Variants in DYNC1I1 observed in about 807,000 individuals in gnomAD.
DYNC1I1 encodes cytoplasmic dynein 1 intermediate chain 1.
In DYNC1I1, 43 loss-of-function variants were observed where a neutral mutation model predicts 86.6. That is an observed-to-expected ratio of 0.50 (90% CI 0.39 to 0.64). DYNC1I1 has a LOEUF of 0.64. Among genes scored for constraint, DYNC1I1 ranks in the 30% least tolerant of loss-of-function variants. The pLI, the probability that DYNC1I1 is intolerant of heterozygous loss-of-function variation, is 0.00. For synonymous variants in DYNC1I1, 262 were observed against 283.7 expected, an observed-to-expected ratio of 0.92 and a Z score of 0.77; for missense variants, 604 against 788.8, an observed-to-expected ratio of 0.77 and a Z score of 2.81.
At chr7:95,920,336 T>C (rs1791578649) in intron 6 of DYNC1I1, among the ~76,000 whole-genome samples, 1 of 152,176 alleles carries the variant, frequency 6.6e-6, no homozygotes, top group Non-Finnish European at 1.5e-5. Flanking sequence ...CTGACCTGTT[T>C]TCCCAAAAAT....
chr7:95,824,117 A>C (rs1412163973), intron 4 of DYNC1I1, among the ~76,000 whole-genome samples: 1 of 149,188 alleles, frequency 6.7e-6, no homozygotes, highest in African/African-American at 2.5e-5. Flanking sequence ...CAGCCTCCTG[A>C]GTAGCTGCGA....
At chr7:96,014,164 G>A (rs1392096999) in intron 10 of DYNC1I1, among the ~76,000 whole-genome samples, 1 of 152,172 alleles carries the variant, frequency 6.6e-6, no homozygotes, top group Non-Finnish European at 1.5e-5. Flanking sequence ...GCATTCTGAA[G>A]AGCTGGAACT....
chr7:95,815,501 A>C (rs542655489), intron 4 of DYNC1I1, among the ~76,000 whole-genome samples: 1 of 152,278 alleles, frequency 6.6e-6, no homozygotes, highest in African/African-American at 2.4e-5. Flanking sequence ...CCTTGTTTTG[A>C]ACTTAGGAAA....
At chr7:96,014,462 T>C (rs1584251323) in intron 10 of DYNC1I1, among the ~76,000 whole-genome samples, 1 of 152,200 alleles carries the variant, frequency 6.6e-6, no homozygotes, top group South Asian at 2.1e-4. Flanking sequence ...AAAGGGAAAT[T>C]AACATGTAAA....
chr7:95,833,604 A>G (rs1230416892), intron 5 of DYNC1I1, among the ~76,000 whole-genome samples: 15 of 146,836 alleles, frequency 1.0e-4, no homozygotes, highest in African/African-American at 3.8e-4. Flanking sequence ...ACCCATGAGC[A>G]TGGAATGTTC....
intron 5 of DYNC1I1, among the ~76,000 whole-genome samples, chr7:95,867,443 C>T (rs1460892008): frequency 2.6e-5 from 4 of 152,190 alleles, no homozygotes; most frequent in Non-Finnish European, 1.5e-5. Flanking sequence ...TACCATTCAG[C>T]TGTATGTTCA....
At chr7:96,067,931 A>T (rs2116209729) in intron 14 of DYNC1I1, among the ~76,000 whole-genome samples, 1 of 152,316 alleles carries the variant, frequency 6.6e-6, no homozygotes, top group East Asian at 1.9e-4. Flanking sequence ...GACTATCTAC[A>T]TAATTATGAG....
chr7:96,032,864 C>T, intron 12 of DYNC1I1, 84 bp downstream of exon 12: 1 of 1,157,522 alleles, frequency 8.6e-7, no homozygotes, highest in Non-Finnish European at 1.3e-6. Flanking sequence ...AAAAGCCAAA[C>T]CCTCACATCC....
chr7:96,023,677 A>G (rs1794608091), intron 10 of DYNC1I1, among the ~76,000 whole-genome samples: 1 of 152,150 alleles, frequency 6.6e-6, no homozygotes, highest in African/African-American at 2.4e-5. Flanking sequence ...TTCTCTTTAA[A>G]TAGATGATGA....
rs77341871 is a variant in DYNC1I1 at position 95,946,930 on chromosome 7, A to G, written c.491-30582A>G. Among the ~76,000 whole-genome samples, 1,451 of 152,284 alleles carry G rather than the reference A, an allele frequency of 9.5e-3. 12 individuals carry two copies. The highest frequency in any genetic ancestry group is 0.017 in the Non-Finnish European group (1,176 of 68,010). Reference sequence around the variant, plus strand: ...GGAGGAGAGTGCTCTCTGGCATAGGATGGATACAAAGGCCTCCCTGGTCTG... The same window carrying G: ...GGAGGAGAGTGCTCTCTGGCATAGGGTGGATACAAAGGCCTCCCTGGTCTG... On this transcript the variant is annotated intron_variant, in intron 6 of 16. Coordinates refer to ENST00000447467, the MANE Select transcript of DYNC1I1 (RefSeq NM_001135556.2).
At chr7:95,860,812 C>T (rs533088534) in intron 5 of DYNC1I1, among the ~76,000 whole-genome samples, 2 of 152,034 alleles carry the variant, frequency 1.3e-5, no homozygotes, top group Non-Finnish European at 2.9e-5. Flanking sequence ...AGAAGGCAGA[C>T]AGGCAAAAAA....
chr7:95,802,132 G>A (rs151177946), intron 1 of DYNC1I1, among the ~76,000 whole-genome samples: 1,586 of 151,710 alleles, frequency 0.01, 18 homozygotes, highest in Middle Eastern at 0.031. Flanking sequence ...CTGTAGTGTT[G>A]TATTTGTGCA....
chr7:96,043,955 G>A (rs981664437), intron 14 of DYNC1I1, among the ~76,000 whole-genome samples: 9 of 152,206 alleles, frequency 5.9e-5, no homozygotes, highest in South Asian at 4.2e-4. Flanking sequence ...TGATCCACCC[G>A]CCTCAGCCTC....
At chr7:95,802,783 C>G (rs1183109925) in intron 1 of DYNC1I1, 1 of 152,262 alleles carries the variant, frequency 6.6e-6, no homozygotes, top group African/African-American at 2.4e-5. Context: ...TCCCAAAGCA[C>G]TGGGGTTACA....
chr7:95,809,465 G>A (rs1368639797), intron 2 of DYNC1I1, among the ~76,000 whole-genome samples: 1 of 152,152 alleles, frequency 6.6e-6, no homozygotes, highest in Non-Finnish European at 1.5e-5. Flanking sequence ...AAGCTTTGTT[G>A]TGAGGTAGTT....
chr7:95,904,294 C>T (rs1348345155), intron 6 of DYNC1I1, among the ~76,000 whole-genome samples: 2 of 152,094 alleles, frequency 1.3e-5, no homozygotes, highest in Non-Finnish European at 1.5e-5. Context: ...CCCTGCTCAT[C>T]TGTGTAAGAT....
chr7:96,002,362 A>G (rs982463045), intron 10 of DYNC1I1, among the ~76,000 whole-genome samples: 8 of 152,218 alleles, frequency 5.3e-5, no homozygotes, highest in Non-Finnish European at 1.2e-4. Context: ...TTCTAACTAA[A>G]TGATGATGAG....
At chr7:95,878,479 T>C (rs757625208) in intron 6 of DYNC1I1, among the ~76,000 whole-genome samples, 12 of 152,064 alleles carry the variant, frequency 7.9e-5, no homozygotes, top group Non-Finnish European at 1.6e-4. Flanking sequence ...ATTGAACTAA[T>C]AGAAGAAAAG....
chr7:95,931,149 CTT>C (rs1012263184), intron 6 of DYNC1I1, among the ~76,000 whole-genome samples: 9 of 146,038 alleles, frequency 6.2e-5, no homozygotes, highest in Non-Finnish European at 3.0e-5. Flanking sequence ...CTCATGAATA[CTT>C]TTTTTTTTTT....
Sources: gnomAD v4.1 joint callset for allele counts (sites outside exome capture counted in the v4.1 genomes callset) on GRCh38, gnomAD v4.1.1 for gene constraint, MANE v1.5 for transcripts, NCBI Gene and HGNC (gene_info 2026-07-23, HGNC 2026-07-21) for gene names.